Variants in CFAP74 observed in about 807,000 individuals in gnomAD.
CFAP74 encodes the protein cilia and flagella associated protein 74.
Under a neutral mutation model 188.9 loss-of-function variants are expected in CFAP74, and 124 were observed. The ratio of observed to expected loss-of-function variants is 0.66; its 90% CI spans 0.57 to 0.76. The LOEUF is 0.76. Among genes scored for constraint, CFAP74 ranks in the 30% least tolerant of loss-of-function variants. The pLI is 0.00. For missense variants in CFAP74, 2,198 were observed against 2,165.2 expected (o/e 1.02, Z -0.30); for synonymous variants, 956 against 916.7 (o/e 1.04, Z -0.77).
At position 1,973,643 on chromosome 1, in the gene CFAP74, T is replaced by G. The variant is rs1656238834; in HGVS notation, c.674+382A>C. Among the ~76,000 whole-genome samples the G allele has an allele frequency of 6.8e-6, 1 of 147,046 alleles. No homozygotes were observed. The highest frequency in any genetic ancestry group is 6.8e-5 in the Admixed American group (1 of 14,796). On this transcript the variant is annotated intron_variant, in intron 7 of 38. Coordinates refer to ENST00000682832, the MANE Select transcript of CFAP74 (RefSeq NM_001304360.2). The surrounding 1 kb of genome is among the most constrained non-coding windows in gnomAD (Gnocchi z 6.2). ...TCCACAGCCACGCAGGTGGGGGCCG[T>G]GGGAGGGGTGCAAAGGAGCAGCCAG...
At chr1:1,964,235 CAG>C (rs1355424502) in intron 13 of CFAP74, among the ~76,000 whole-genome samples, 1 of 152,228 alleles carries the variant, frequency 6.6e-6, no homozygotes, top group Non-Finnish European at 1.5e-5. Context: ...CTCTGTCTTG[CAG>C]AGTTTGGCAG....
At chr1:1,989,389 C>G (rs1657442486) in intron 2 of CFAP74, among the ~76,000 whole-genome samples, 1 of 152,212 alleles carries the variant, frequency 6.6e-6, no homozygotes, top group Non-Finnish European at 1.5e-5. Context: ...GAATAAAATC[C>G]TTTTTCACCT....
In CFAP74 at chr1:1,923,834, T is replaced by C; in HGVS notation, c.4330A>G (p.Ser1444Gly). ...GKTQDFTVTF[S>G]PDHESLYFSD... ...AAGTAGAGGCTTTCGTGGTCGGGGC[T>C]GAAGGTGACAGTGAAGTCTTGTGTC... Residue 1444 changes from serine (S) to glycine (G), a missense_variant, in exon 35 of 39, where the codon AGC (serine) becomes GGC (glycine). Transcript: ENST00000682832. This position sits in a 1 kb window ranked among gnomAD's most constrained non-coding sequence, Gnocchi z 6.3. 3 of 1,613,450 alleles carry C rather than the reference T, an allele frequency of 1.9e-6. No homozygotes were observed. Among genetic ancestry groups the C allele is most frequent in the Non-Finnish European group, 2.5e-6 (3 of 1,179,808 alleles).
At chr1:1,933,336 T>C (rs377666725) in intron 25 of CFAP74, among the ~76,000 whole-genome samples, 2 of 151,922 alleles carry the variant, frequency 1.3e-5, no homozygotes, top group East Asian at 3.9e-4. Context: ...TGCAGCACCT[T>C]ACCTGGCTAA....
intron 6 of CFAP74, among the ~76,000 whole-genome samples, chr1:1,982,361 G>A (rs997725571): frequency 2.0e-5 from 3 of 151,798 alleles, no homozygotes; most frequent in Admixed American, 6.6e-5. Context: ...GGTCACACGC[G>A]GGGACATGCA....
At chr1:1,932,192 C>G (rs1333478518) in intron 25 of CFAP74, among the ~76,000 whole-genome samples, 6 of 151,244 alleles carry the variant, frequency 4.0e-5, no homozygotes, top group Non-Finnish European at 7.4e-5. Flanking sequence ...GTCAGGAGAT[C>G]GAGACCATCC....
chr1:1,972,860 A>AAT, intron 8 of CFAP74, 77 bp downstream of exon 8: 1 of 952,926 alleles, frequency 1.0e-6, no homozygotes. Context: ...AAATAATAAA[A>AAT]TCAGGGCATT....
At chr1:1,991,548 A>C (rs1657564335) in intron 1 of CFAP74, among the ~76,000 whole-genome samples, 1 of 152,092 alleles carries the variant, frequency 6.6e-6, no homozygotes, top group East Asian at 1.9e-4. Context: ...GGTTGCAGTG[A>C]GCCGAGATAG....
intron 26 of CFAP74, 63 bp from the exon 27 acceptor site, chr1:1,928,945 C>A: frequency 3.4e-6 from 4 of 1,172,458 alleles, no homozygotes; most frequent in Non-Finnish European, 4.9e-6. Flanking sequence ...GGAGCCCCTG[C>A]GGGCACTCTA....
intron 25 of CFAP74, among the ~76,000 whole-genome samples, chr1:1,934,204 G>C (rs1345486808): frequency 6.6e-6 from 1 of 152,248 alleles, no homozygotes; most frequent in Non-Finnish European, 1.5e-5. Context: ...AAGTGTAGAA[G>C]TGTGTGTATG....
chr1:1,988,202 A>G, intron 4 of CFAP74: 2 of 574,306 alleles, frequency 3.5e-6, no homozygotes, highest in Non-Finnish European at 6.8e-6. Flanking sequence ...AAAATCCCAT[A>G]GATATAAAAT....
intron 26 of CFAP74, among the ~76,000 whole-genome samples, chr1:1,929,473 G>T (rs1207808551): frequency 6.8e-6 from 1 of 147,638 alleles, no homozygotes; most frequent in East Asian, 2.0e-4. Flanking sequence ...GCAGTAATGT[G>T]TGTGGGGGTG....
chr1:1,973,901 G>C lies in CFAP74; in HGVS notation c.674+124C>G. On this transcript the variant is annotated intron_variant, in intron 7 of 38. Coordinates refer to ENST00000682832, the MANE Select transcript of CFAP74 (RefSeq NM_001304360.2). This position sits in a 1 kb window ranked among gnomAD's most constrained non-coding sequence, Gnocchi z 6.2. ...GAGCAAGCTGGGAGGAGGCAGGGAG[G>C]GGTGGAGGTGGATCTGGACAGATGT... 1 of 886,912 alleles carries C rather than the reference G, an allele frequency of 1.1e-6. No homozygotes were observed. The highest frequency in any genetic ancestry group is 3.1e-5 in the East Asian group (1 of 31,814). 54.9% of individuals were successfully genotyped at this position (886,912 alleles called of 1,614,324 possible). A position where few individuals can be genotyped will look rare whatever the true frequency, so the allele number is the denominator to read the frequency against.
At position 1,966,299 on chromosome 1, in the gene CFAP74, G is replaced by A. The variant is rs113473059; in HGVS notation, c.1401+72C>T. The A allele has an allele frequency of 3.4e-3, 4,654 of 1,370,182 alleles. 146 individuals carry two copies. In the African/African-American group the frequency reaches 0.061, roughly 18 times the overall value. The allele number at this position is 1,370,182 out of a possible 1,614,324, so 84.9% of individuals were successfully genotyped here. On this transcript the variant is annotated intron_variant, in intron 12 of 38. Transcript: ENST00000682832. ...AGCAGCTGGTGTGGCCGGGGCAGGC[G>A]TGGGAGGTGGCGAGCCGGCGACAGA... is the stretch of plus-strand genomic sequence containing the variant.
At chr1:1,955,639 C>T in intron 18 of CFAP74, 52 bp downstream of exon 18, 1 of 1,609,432 alleles carries the variant, frequency 6.2e-7, no homozygotes, top group Non-Finnish European at 8.5e-7. Context: ...GAATGCTGCC[C>T]TGAGGCCCTC....
chr1:1,994,824 C>G lies in CFAP74; in HGVS notation c.-19-3849G>C, dbSNP rs147398354. Reference sequence around the variant, plus strand: ...ACCTCTGATCTCTCCTGAGTCCTCACTAACAACAGGGGGTAGATTTATTGT... The same window carrying G: ...ACCTCTGATCTCTCCTGAGTCCTCAGTAACAACAGGGGGTAGATTTATTGT... On this transcript the variant is annotated intron_variant, in intron 1 of 38. Transcript: ENST00000682832. Among the ~76,000 whole-genome samples the G allele has an allele frequency of 2.8e-3, 420 of 152,288 alleles. 2 individuals carry two copies. The highest frequency in any genetic ancestry group is 9.8e-3 in the African/African-American group (406 of 41,530).
At chr1:1,981,295 T>C (rs34699657) in intron 6 of CFAP74, among the ~76,000 whole-genome samples, 51,955 of 151,674 alleles carry the variant, frequency 0.34, 8,929 homozygotes, top group East Asian at 0.42. Context: ...GTCACCACAT[T>C]GGCCACGGAG....
At chr1:1,959,337 AC>A (rs1394145331) in intron 15 of CFAP74, 128 bp from the exon 16 acceptor site, 3 of 606,912 alleles carry the variant, frequency 4.9e-6, no homozygotes, top group South Asian at 2.0e-5. Context: ...ATTCACTGCA[AC>A]CCCCCTCCAC....
chr1:1,991,360 T>C (rs1175041019), intron 1 of CFAP74, among the ~76,000 whole-genome samples: 1 of 152,064 alleles, frequency 6.6e-6, no homozygotes, highest in Non-Finnish European at 1.5e-5. Context: ...TGAGACCCTG[T>C]CACAAAAGAA....
Sources: allele counts gnomAD v4.1 joint callset (sites outside exome capture counted in the v4.1 genomes callset), GRCh38; gene constraint gnomAD v4.1.1; non-coding constraint Gnocchi (gnomAD v3.1); transcripts MANE v1.5; gene names NCBI Gene and HGNC (gene_info 2026-07-23, HGNC 2026-07-21).